CNST: variants seen among roughly 807,000 people sequenced by gnomAD.
The protein encoded by CNST is consortin.
A neutral mutation model predicts 72.4 loss-of-function variants in CNST; 39 were observed. The observed-to-expected ratio is 0.54, with a 90% CI of 0.42 to 0.70. CNST has a LOEUF of 0.70. CNST is among the 30% of genes least tolerant of loss of function. The pLI, the probability that CNST is intolerant of heterozygous loss-of-function variation, is 0.00. For synonymous variants in CNST, 332 were observed against 320.1 expected, an observed-to-expected ratio of 1.04 and a Z score of -0.40; for missense variants, 871 against 868.5, an observed-to-expected ratio of 1.00 and a Z score of -0.04.
chr1:246,594,552 T>G (rs1053416645), intron 2 of CNST, among the ~76,000 whole-genome samples: 1 of 152,082 alleles, frequency 6.6e-6, no homozygotes, highest in African/African-American at 2.4e-5. Context: ...GGCAGATCAC[T>G]TGCGCTCAGG....
rs1300107134 is a variant in CNST, at chr1:246,605,823, G to A, written c.379+13882G>A. The A allele has an allele frequency of 1.3e-4, 18 of 134,266 alleles. 4 individuals carry two copies. Among genetic ancestry groups the A allele is most frequent in the African/African-American group, 4.5e-4 (17 of 37,720 alleles). The allele number at this position is 134,266 out of a possible 1,614,324, so 8.3% of individuals were successfully genotyped here. ...CGGCCGGGGTGCGTGTCTTCCAGCC[G>A]GGGTAGGTGTCTTCCGGCCGGGGTG... is the stretch of plus-strand genomic sequence containing the variant. On this transcript the variant is annotated intron_variant, in intron 2 of 10. Coordinates refer to ENST00000366513, the MANE Select transcript of CNST (RefSeq NM_152609.3).
intron 6 of CNST, among the ~76,000 whole-genome samples, chr1:246,639,505 G>A (rs540549833): frequency 2.0e-5 from 3 of 152,188 alleles, no homozygotes; most frequent in Non-Finnish European, 4.4e-5. Context: ...GCCTAGGTAG[G>A]TGACTGAGGG....
At position 246,663,053 on chromosome 1, in the gene CNST, GC is replaced by G. The variant is rs371501134; in HGVS notation, c.1973-2646del. On this transcript the variant is annotated intron_variant, in intron 10 of 10. Transcript: ENST00000366513. Reference sequence around the variant, plus strand: ...GGGGGTAGGAATCATGTTAAGAAAAGCACGTAAGGCATGGTGCAGTGGCTCA... The same window carrying G: ...GGGGGTAGGAATCATGTTAAGAAAAGACGTAAGGCATGGTGCAGTGGCTCA... Among the ~76,000 whole-genome samples, 88 of 152,234 alleles carry G rather than the reference GC, an allele frequency of 5.8e-4. 1 individual carries two copies. Among genetic ancestry groups the G allele is most frequent in the African/African-American group, 2.1e-3 (86 of 41,544 alleles).
intron 6 of CNST, among the ~76,000 whole-genome samples, chr1:246,639,748 G>T (rs1002332511): frequency 1.3e-5 from 2 of 152,180 alleles, no homozygotes; most frequent in African/African-American, 4.8e-5. Context: ...TCCCAAGAGT[G>T]CACCAACCAA....
At chr1:246,566,810 C>T (rs1019509462) in intron 1 of CNST, 147 bp downstream of exon 1, 4 of 397,268 alleles carry the variant, frequency 1.0e-5, no homozygotes, top group Non-Finnish European at 1.8e-5. Flanking sequence ...GCCCGGTCCC[C>T]TTACCTCCTC....
intron 2 of CNST, chr1:246,607,225 A>G (rs1662916113): frequency 6.6e-6 from 1 of 151,738 alleles, no homozygotes; most frequent in South Asian, 2.1e-4. Flanking sequence ...TGAGAATTCA[A>G]AGTGAGGCTG....
chr1:246,640,448 AT>A (rs1442142536), intron 6 of CNST, among the ~76,000 whole-genome samples: 1 of 152,140 alleles, frequency 6.6e-6, no homozygotes, highest in Admixed American at 6.5e-5. Flanking sequence ...AAGGAGTTGT[AT>A]TTTTTAAACT....
At chr1:246,596,692 A>T (rs1160129352) in intron 2 of CNST, among the ~76,000 whole-genome samples, 2 of 152,172 alleles carry the variant, frequency 1.3e-5, no homozygotes, top group Admixed American at 6.5e-5. Context: ...TCACCACACA[A>T]AGCAGCCACT....
chr1:246,597,703 G>T (rs1661979261), intron 2 of CNST, among the ~76,000 whole-genome samples: 1 of 152,180 alleles, frequency 6.6e-6, no homozygotes. Flanking sequence ...TAAAAAGCCT[G>T]AGTCAGGCTG....
At chr1:246,648,721 G>A (rs1558590654) in intron 9 of CNST, among the ~76,000 whole-genome samples, 1 of 152,172 alleles carries the variant, frequency 6.6e-6, no homozygotes, top group Non-Finnish European at 1.5e-5. Flanking sequence ...GTAGTTAACA[G>A]CTTCTTGGAG....
chr1:246,612,749 G>A (rs768870860), intron 2 of CNST, among the ~76,000 whole-genome samples: 21 of 151,976 alleles, frequency 1.4e-4, no homozygotes, highest in Admixed American at 2.6e-4. Context: ...AATTAGCCAG[G>A]GGGTGTGCAC....
intron 8 of CNST, 95 bp downstream of exon 8, chr1:246,642,132 G>GTT (rs1491252940): frequency 0.047 from 9,256 of 197,164 alleles, 470 homozygotes; most frequent in South Asian, 0.061. Flanking sequence ...CAAAGGATCT[G>GTT]GTTTTTTTTT....
intron 1 of CNST, among the ~76,000 whole-genome samples, chr1:246,582,802 G>A (rs928121968): frequency 1.2e-4 from 18 of 152,308 alleles, no homozygotes; most frequent in Middle Eastern, 3.4e-3. Flanking sequence ...TCAGGTACGA[G>A]TAGAATGGAG....
At position 246,631,902 on chromosome 1, in the gene CNST, A is replaced by G; in HGVS notation, c.594A>G (p.Glu198=). 6.5e-7 allele frequency: 1 copy of G among 1,550,020 alleles called. No individual in the cohort carries two copies. The highest frequency in any genetic ancestry group is 8.8e-7 in the Non-Finnish European group (1 of 1,131,300). Residue 198 remains glutamate (E), a synonymous_variant, in exon 4 of 11, where the codon GAA becomes GAG. Coordinates refer to ENST00000366513, the MANE Select transcript of CNST (RefSeq NM_152609.3). ...ALPLCLHQIA[E]SYFQEEDYEK... ...TTCTTTGTTTTTAACAGATAGCAGAATCCTATTTCCAGGAGGAGGACTGTA... is the reference window on the plus strand; with the variant it reads ...TTCTTTGTTTTTAACAGATAGCAGAGTCCTATTTCCAGGAGGAGGACTGTA...
At chr1:246,615,180 A>T (rs112264077) in intron 2 of CNST, among the ~76,000 whole-genome samples, 155 of 151,754 alleles carry the variant, frequency 1.0e-3, no homozygotes, top group South Asian at 2.1e-3. Context: ...CAAAAAAAAA[A>T]TTTTTTTTTC....
intron 1 of CNST, among the ~76,000 whole-genome samples, chr1:246,576,374 G>A (rs1660431389): frequency 6.8e-6 from 1 of 147,094 alleles, no homozygotes; most frequent in Non-Finnish European, 1.5e-5. Flanking sequence ...TTTTTACAGA[G>A]CAGCATCGTG....
At chr1:246,586,111 ATGTGTGTGTGTG>A (rs113258007) in intron 1 of CNST, among the ~76,000 whole-genome samples, 1 of 102,700 alleles carries the variant, frequency 9.7e-6, no homozygotes, top group Non-Finnish European at 1.8e-5. Flanking sequence ...ATATATATAT[ATGTGTGTGTGTG>A]TGTGTGTGTG....
rs537657685 is a variant in CNST, at chr1:246,595,773, AG to A, written c.379+3833del. On this transcript the variant is annotated intron_variant, in intron 2 of 10. Coordinates refer to ENST00000366513, the MANE Select transcript of CNST (RefSeq NM_152609.3). ...ATAAAGAAAAAAAAGACCAAAAAAA[AG>A]AACATGTAAAATAAAGTAAATTTAT... 2.3e-3 allele frequency among the ~76,000 whole-genome samples: 354 copies of A among 152,334 alleles called. 3 individuals are homozygous for A. The highest frequency in any genetic ancestry group is 8.1e-3 in the African/African-American group (338 of 41,584).
chr1:246,647,474 C>G lies in CNST; in HGVS notation c.1273C>G (p.Leu425Val). 6.2e-7 allele frequency: 1 copy of G among 1,614,184 alleles called. No individual in the cohort carries two copies. Among genetic ancestry groups the G allele is most frequent in the East Asian group, 2.2e-5 (1 of 44,894 alleles). Reference sequence around the variant, plus strand: ...CATTGCTGAAGACCCTAAGGTGTTTCTTTCCAGCAAGTCAAAGACAGAGCC... The same window carrying G: ...CATTGCTGAAGACCCTAAGGTGTTTGTTTCCAGCAAGTCAAAGACAGAGCC... ...EGIAEDPKVF[L>V]SSKSKTEPLI... The change falls in exon 9 of 11, where the codon CTT becomes GTT. Residue 425 changes from leucine (L) to valine (V), a missense_variant. Leu to Val is a conservative substitution (Grantham distance 32, BLOSUM62 1). Coordinates refer to ENST00000366513, the MANE Select transcript of CNST (RefSeq NM_152609.3).
Sources: allele counts gnomAD v4.1 joint callset (sites outside exome capture counted in the v4.1 genomes callset), GRCh38; gene constraint gnomAD v4.1.1; transcripts MANE v1.5; gene names NCBI Gene and HGNC (gene_info 2026-07-23, HGNC 2026-07-21).